COL4A2: variants seen among roughly 807,000 people sequenced by gnomAD.
The protein encoded by COL4A2 is collagen alpha-2(IV) chain.
A neutral mutation model predicts 200.2 loss-of-function variants in COL4A2; 99 were observed. The ratio of observed to expected loss-of-function variants is 0.49; its 90% CI spans 0.42 to 0.58. The LOEUF (loss-of-function observed/expected upper bound fraction) is 0.58, where lower values mean the gene tolerates loss of function less well. COL4A2 is among the 20% of genes least tolerant of loss of function. COL4A2 has a pLI of 0.00. For missense variants in COL4A2, 1,950 were observed against 2,314.1 expected, an observed-to-expected ratio of 0.84 and a Z score of 3.23; for synonymous variants, 897 against 900.6, an observed-to-expected ratio of 1.00 and a Z score of 0.07.
chr13:110,342,203 T>C (rs1338824023), intron 3 of COL4A2, among the ~76,000 whole-genome samples: 1 of 152,222 alleles, frequency 6.6e-6, no homozygotes, highest in Non-Finnish European at 1.5e-5. Context: ...GAATTTGACT[T>C]ATTAGAGATG....
intron 3 of COL4A2, among the ~76,000 whole-genome samples, chr13:110,315,539 G>A (rs972169691): frequency 6.6e-6 from 1 of 152,130 alleles, no homozygotes; most frequent in Admixed American, 6.5e-5. Context: ...GGGATTACAG[G>A]CACGAGTCAC....
chr13:110,413,182 T>C (rs778755702), intron 4 of COL4A2, among the ~76,000 whole-genome samples: 1 of 152,090 alleles, frequency 6.6e-6, no homozygotes, highest in Non-Finnish European at 1.5e-5. Context: ...GGTCTAAAAA[T>C]AGAAGATTCC....
chr13:110,367,866 A>G (rs1041297874), intron 4 of COL4A2, among the ~76,000 whole-genome samples: 1 of 126,374 alleles, frequency 7.9e-6, no homozygotes, highest in Non-Finnish European at 1.8e-5. Flanking sequence ...CACAGAGGGC[A>G]AGATCCATAA....
At chr13:110,451,899 C>T (rs1449778915) in intron 20 of COL4A2, among the ~76,000 whole-genome samples, 1 of 152,244 alleles carries the variant, frequency 6.6e-6, no homozygotes, top group African/African-American at 2.4e-5. Context: ...CATTCTCTCA[C>T]AAGAGTGAAT....
At chr13:110,438,418 G>T in intron 14 of COL4A2, 200 bp from the exon 15 acceptor site, 1 of 736,964 alleles carries the variant, frequency 1.4e-6, no homozygotes, top group Non-Finnish European at 2.4e-6. Flanking sequence ...ATGCAGTCCT[G>T]GATGGGTGAC....
At chr13:110,316,387 A>G (rs1885129764) in intron 3 of COL4A2, among the ~76,000 whole-genome samples, 1 of 152,196 alleles carries the variant, frequency 6.6e-6, no homozygotes, top group African/African-American at 2.4e-5. Context: ...GCCGATTGGC[A>G]GCCGTGATGC....
chr13:110,317,693 C>G (rs1011667077), intron 3 of COL4A2, among the ~76,000 whole-genome samples: 7 of 152,180 alleles, frequency 4.6e-5, no homozygotes, highest in African/African-American at 7.2e-5. Context: ...AGACACAACC[C>G]CCAACCGGCC....
Position 110,429,783 on chromosome 13 carries a change from C to T in COL4A2, c.478-102C>T. ...AGCCATAAGAACAATTAGACCTTGC[C>T]CACAAAAGTCAATGTTCAGTCATCC... On this transcript the variant is annotated intron_variant, in intron 7 of 47. Coordinates refer to ENST00000360467, the MANE Select transcript of COL4A2 (RefSeq NM_001846.4). The T allele has an allele frequency of 4.3e-6, 5 of 1,151,186 alleles. No individual in the cohort carries two copies. In the South Asian group the frequency reaches 6.6e-5, roughly 15 times the overall value. The allele number at this position is 1,151,186 out of a possible 1,614,324, so 71.3% of individuals were successfully genotyped here. A position where few individuals can be genotyped will look rare whatever the true frequency, so the allele number is the denominator to read the frequency against.
chr13:110,368,084 A>C (rs1204805821), intron 4 of COL4A2, among the ~76,000 whole-genome samples: 2 of 152,220 alleles, frequency 1.3e-5, no homozygotes, highest in African/African-American at 2.4e-5. Flanking sequence ...TTCTCTTCGA[A>C]GAATGATAGA....
intron 41 of COL4A2, 96 bp downstream of exon 41, chr13:110,501,880 A>C: frequency 8.1e-7 from 1 of 1,240,810 alleles, no homozygotes; most frequent in Non-Finnish European, 1.2e-6. Context: ...GTTCATTTCC[A>C]CGCTGTGCCC....
intron 3 of COL4A2, among the ~76,000 whole-genome samples, chr13:110,356,569 C>T (rs1027393915): frequency 6.6e-6 from 1 of 152,184 alleles, no homozygotes; most frequent in African/African-American, 2.4e-5. Flanking sequence ...TCTCTGGGTT[C>T]CCCGCCAGCA....
chr13:110,475,789 C>T (rs757499491), intron 29 of COL4A2, among the ~76,000 whole-genome samples: 8 of 152,228 alleles, frequency 5.3e-5, no homozygotes, highest in African/African-American at 9.6e-5. Flanking sequence ...GCAGAACTCT[C>T]GGAATGAAGT....
chr13:110,484,796 C>G, intron 32 of COL4A2, 109 bp from the exon 33 acceptor site: 1 of 1,422,536 alleles, frequency 7.0e-7, no homozygotes, highest in Non-Finnish European at 9.3e-7. Flanking sequence ...CAAGGCTTCC[C>G]TGCTTGGGGG....
intron 40 of COL4A2, among the ~76,000 whole-genome samples, chr13:110,495,773 A>T (rs1883434797): frequency 6.6e-6 from 1 of 152,214 alleles, no homozygotes; most frequent in Non-Finnish European, 1.5e-5. Flanking sequence ...AGGCCTTGCC[A>T]TAACAAGCAC....
At position 110,449,881 on chromosome 13, in the gene COL4A2, CTA is replaced by C. The variant is rs1487813267; in HGVS notation, c.1189+94_1189+95del. ...AAGGGAGACTTCGTTGACGACGTAGCTATGTCGTTGTTACTTTTCCCCACTGA... is the reference window on the plus strand; with the variant it reads ...AAGGGAGACTTCGTTGACGACGTAGCTGTCGTTGTTACTTTTCCCCACTGA... On this transcript the variant is annotated intron_variant, in intron 19 of 47. Coordinates refer to ENST00000360467, the MANE Select transcript of COL4A2 (RefSeq NM_001846.4). 7 of 1,371,592 alleles carry C rather than the reference CTA, an allele frequency of 5.1e-6. No homozygotes were observed. The African/African-American group carries it at 1.0e-4, about 20-fold the overall frequency. The allele number at this position is 1,371,592 out of a possible 1,614,324, so 85.0% of individuals were successfully genotyped here.
In COL4A2 at chr13:110,440,048, C is replaced by T. The variant is rs571098506; in HGVS notation, c.957+215C>T. On this transcript the variant is annotated intron_variant, in intron 16 of 47. Transcript: ENST00000360467. ...CATTTTTGCAAACTATCTTTTGCTT[C>T]CTCCCTTTCAAAGTGTCCGTCACTC... Among the ~76,000 whole-genome samples the T allele has an allele frequency of 3.9e-5, 6 of 152,282 alleles. No homozygotes were observed. The East Asian group carries it at 1.2e-3, about 29-fold the overall frequency.
Position 110,430,595 on chromosome 13 carries a change from TC to T in COL4A2, c.638del (p.Pro213GlnfsTer33). 2 of 1,614,186 alleles carry T rather than the reference TC, an allele frequency of 1.2e-6. No individual in the cohort carries two copies. Among genetic ancestry groups the T allele is most frequent in the Non-Finnish European group, 1.7e-6 (2 of 1,180,030 alleles). ...TGGGACAGATGGGTCCAGTTGGAGCTCCAGGGAGACCAGTAAGTACCTGGAC... is the reference window on the plus strand; with the variant it reads ...TGGGACAGATGGGTCCAGTTGGAGCTCAGGGAGACCAGTAAGTACCTGGAC... ...HVGQMGPVGA[P>X]GRPGPPGPPG... On this transcript the variant is annotated frameshift_variant, in exon 10 of 48. Coordinates refer to ENST00000360467, the MANE Select transcript of COL4A2 (RefSeq NM_001846.4). LOFTEE classifies it high-confidence loss of function.
chr13:110,369,231 A>G (rs1002447661), intron 4 of COL4A2, among the ~76,000 whole-genome samples: 6 of 151,986 alleles, frequency 3.9e-5, no homozygotes, highest in African/African-American at 1.5e-4. Context: ...AAATAAATAA[A>G]TAAAGCAATT....
At chr13:110,506,088 C>T (rs1220509512) in intron 45 of COL4A2, among the ~76,000 whole-genome samples, 2 of 152,238 alleles carry the variant, frequency 1.3e-5, no homozygotes, top group Non-Finnish European at 2.9e-5. Flanking sequence ...CTGCCCTGCA[C>T]TCCTGGGTCC....
Sources: gnomAD v4.1 joint callset for allele counts (sites outside exome capture counted in the v4.1 genomes callset) on GRCh38, gnomAD v4.1.1 for gene constraint, MANE v1.5 for transcripts, NCBI Gene and HGNC (gene_info 2026-07-23, HGNC 2026-07-21) for gene names.